TKTL1: variants seen among roughly 807,000 people sequenced by gnomAD.
TKTL1 encodes transketolase-like protein 1.
Under a neutral mutation model 39.3 loss-of-function variants are expected in TKTL1, and 1 was observed. The observed-to-expected ratio is 0.03, with a 90% CI of 0.01 to 0.12. The LOEUF is 0.12. TKTL1 is among the 10% of genes least tolerant of loss of function. The probability of loss-of-function intolerance (pLI) is 1.00; values close to 1 mark genes in which losing one functional copy is unlikely to be tolerated. For synonymous variants in TKTL1, 262 were observed against 193.8 expected, an observed-to-expected ratio of 1.35 and a Z score of -2.92; for missense variants, 575 against 509.6, an observed-to-expected ratio of 1.13 and a Z score of -1.24.
At chrX:154,327,512 C>G (rs1212932633) in intron 10 of TKTL1, 79 bp from the exon 11 acceptor site, 3 of 852,762 alleles carry the variant, frequency 3.5e-6, no homozygotes, top group Non-Finnish European at 5.3e-6. Context: ...GGGATAGCGG[C>G]ATAGCAAAGT....
intron 1 of TKTL1, among the ~76,000 whole-genome samples, chrX:154,299,274 G>C (rs1425689012): frequency 9.6e-6 from 1 of 103,991 alleles, no homozygotes; most frequent in Non-Finnish European, 2.0e-5. Flanking sequence ...TCCTGCCTCG[G>C]CCTCCCAAGT....
At position 154,327,691 on chromosome X, in the gene TKTL1, A is replaced by G; in HGVS notation, c.1498+4A>G. On this transcript the variant is annotated splice_donor_region_variant and intron_variant, in intron 11 of 12. Coordinates refer to ENST00000369915, the MANE Select transcript of TKTL1 (RefSeq NM_012253.4). ...GCTGATGAGCTTTCGAAACAAGGTC[A>G]GTTGGTTGAGTATGAGCATTGAAGT... 8.3e-7 allele frequency: 1 copy of G among 1,208,142 alleles called. No homozygotes were observed. Among genetic ancestry groups the G allele is most frequent in the African/African-American group, 1.7e-5 (1 of 57,702 alleles).
At chrX:154,302,820 C>A (rs1483357816) in intron 1 of TKTL1, among the ~76,000 whole-genome samples, 1 of 111,598 alleles carries the variant, frequency 9.0e-6, no homozygotes. Flanking sequence ...TGGAGACACA[C>A]AGACACCGTG....
intron 3 of TKTL1, among the ~76,000 whole-genome samples, chrX:154,310,222 C>T (rs2067345616): frequency 1.8e-5 from 2 of 110,184 alleles, no homozygotes; most frequent in South Asian, 3.9e-4. Context: ...TTTGGGAGGC[C>T]GAGGTGGGCG....
In TKTL1 at chrX:154,312,860, A is replaced by G; in HGVS notation, c.864+87A>G. ...TGTTCGTATGTACACAGGATTCTTC[A>G]TTTATTCTGGTCTCCATGGACGAAC... On this transcript the variant is annotated intron_variant, in intron 6 of 12. Coordinates refer to ENST00000369915, the MANE Select transcript of TKTL1 (RefSeq NM_012253.4). 7 of 926,489 alleles carry G rather than the reference A, an allele frequency of 7.6e-6. No homozygotes were observed. In the South Asian group the frequency reaches 1.6e-4, roughly 21 times the overall value. The allele number at this position is 926,489 out of a possible 1,213,427, so 76.4% of individuals were successfully genotyped here.
chrX:154,327,352 A>G (rs2067500691), intron 10 of TKTL1: 1 of 540,717 alleles, frequency 1.8e-6, no homozygotes, highest in African/African-American at 2.3e-5. Context: ...GTGAGCTCTC[A>G]AACCAGACTC....
At chrX:154,296,122 T>G (rs1557164415) in intron 1 of TKTL1, 129 bp downstream of exon 1, 5 of 903,733 alleles carry the variant, frequency 5.5e-6, no homozygotes, top group Non-Finnish European at 7.6e-6. Flanking sequence ...CGTAATGCCC[T>G]GTCTTGGGCT....
chrX:154,312,886 C>A, intron 6 of TKTL1, 113 bp downstream of exon 6: 2 of 698,856 alleles, frequency 2.9e-6, no homozygotes, highest in Non-Finnish European at 4.1e-6. Flanking sequence ...ATGGACGAAC[C>A]AATTACTAGA....
At position 154,323,180 on chromosome X, in the gene TKTL1, G is replaced by C. The variant is rs114084652; in HGVS notation, c.1187-27G>C. Reference sequence around the variant, plus strand: ...AGGTTCCTAATGGGGTTATGCTCCTGTTTTCATCGGGCTCTGGTTCTCTCA... The same window carrying C: ...AGGTTCCTAATGGGGTTATGCTCCTCTTTTCATCGGGCTCTGGTTCTCTCA... On this transcript the variant is annotated intron_variant, in intron 8 of 12. Transcript: ENST00000369915. 11,049 of 1,206,041 alleles carry C rather than the reference G, an allele frequency of 9.2e-3. 716 individuals carry two copies. In the African/African-American group the frequency reaches 0.18, roughly 19 times the overall value.
chrX:154,305,234 C>T, intron 1 of TKTL1, 70 bp from the exon 2 acceptor site: 1 of 1,187,911 alleles, frequency 8.4e-7, no homozygotes, highest in South Asian at 1.8e-5. Context: ...ATGAGGAGAC[C>T]ATGTGCCGAG....
At chrX:154,323,095 C>A in intron 8 of TKTL1, 112 bp from the exon 9 acceptor site, 1 of 987,754 alleles carries the variant, frequency 1.0e-6, no homozygotes, top group Non-Finnish European at 1.4e-6. Flanking sequence ...TGCTACAGCT[C>A]GGGACACCCC....
At chrX:154,309,931 C>T (rs782537522) in intron 3 of TKTL1, among the ~76,000 whole-genome samples, 4 of 109,057 alleles carry the variant, frequency 3.7e-5, no homozygotes, top group South Asian at 8.1e-4. Context: ...GATGGGGTTT[C>T]GCCATGTTGG....
rs1182937459 is a variant in TKTL1 at position 154,295,810 on chromosome X, G to C, written c.-50G>C. Reference sequence around the variant, plus strand: ...GCTCGCAGGCGCCATTCGCTCTTCAGACGCCGGAGACGTAGGAGTGGGTCT... The same window carrying C: ...GCTCGCAGGCGCCATTCGCTCTTCACACGCCGGAGACGTAGGAGTGGGTCT... On this transcript the variant is annotated 5_prime_UTR_variant, in exon 1 of 13. Transcript: ENST00000369915. 2.5e-6 allele frequency: 3 copies of C among 1,186,985 alleles called. No individual in the cohort carries two copies. Among genetic ancestry groups the C allele is most frequent in the South Asian group, 1.9e-5 (1 of 53,888 alleles).
chrX:154,328,826 T>C (rs1367028012), intron 12 of TKTL1, among the ~76,000 whole-genome samples: 1 of 110,514 alleles, frequency 9.0e-6, no homozygotes, highest in East Asian at 2.8e-4. Context: ...ACACCTGAGG[T>C]TGATGACAGG....
At chrX:154,321,808 G>A (rs1056320871) in intron 8 of TKTL1, among the ~76,000 whole-genome samples, 1 of 108,008 alleles carries the variant, frequency 9.3e-6, no homozygotes, top group Non-Finnish European at 1.9e-5. Flanking sequence ...TGGACGAGAT[G>A]GCTCTAGATG....
intron 8 of TKTL1, among the ~76,000 whole-genome samples, chrX:154,322,229 CAA>C (rs34229834): frequency 0.054 from 2,267 of 41,757 alleles, 111 homozygotes; most frequent in African/African-American, 0.17. Flanking sequence ...GAGGCTTTGT[CAA>C]AAAAAAAAAA....
In TKTL1 at chrX:154,329,509, T is replaced by TC. The variant is rs1203290952; in HGVS notation, c.1619-3dup. On this transcript the variant is annotated splice_polypyrimidine_tract_variant and splice_region_variant and intron_variant, in intron 12 of 12. Coordinates refer to ENST00000369915, the MANE Select transcript of TKTL1 (RefSeq NM_012253.4). ...CACAAAAGGGCCTAACATCCTTGTT[T>TC]CCCCAGGTGGCATCGGGGAAGCTGT... is the stretch of plus-strand genomic sequence containing the variant. 5.1e-5 allele frequency: 62 copies of TC among 1,208,607 alleles called. No individual in the cohort carries two copies. The highest frequency in any genetic ancestry group is 6.5e-5 in the Non-Finnish European group (58 of 894,027).
intron 1 of TKTL1, among the ~76,000 whole-genome samples, chrX:154,304,397 A>G (rs782454976): frequency 8.1e-5 from 9 of 110,498 alleles, no homozygotes; most frequent in Non-Finnish European, 1.5e-4. Context: ...ACCTTCGACA[A>G]TTGCACGTGC....
chrX:154,329,638 A>G lies in TKTL1; in HGVS notation c.1741A>G (p.Ile581Val). Residue 581 changes from isoleucine (I) to valine (V), a missense_variant, in exon 13 of 13, where the codon ATT becomes GTT. By Grantham distance (29) the Ile-to-Val change is conservative. Transcript: ENST00000369915. ...KSEELLDMYGISARHIIVAVK... is the reference protein window; with the variant it reads ...KSEELLDMYGVSARHIIVAVK... Reference sequence around the variant, plus strand: ...CGAGGAATTGCTGGATATGTATGGAATTAGTGCCAGACATATCATAGTGGC... The same window carrying G: ...CGAGGAATTGCTGGATATGTATGGAGTTAGTGCCAGACATATCATAGTGGC... 8.3e-7 allele frequency: 1 copy of G among 1,212,014 alleles called. No homozygotes were observed. The highest frequency in any genetic ancestry group is 1.1e-6 in the Non-Finnish European group (1 of 895,564).
Sources: allele counts gnomAD v4.1 joint callset (sites outside exome capture counted in the v4.1 genomes callset), GRCh38; gene constraint gnomAD v4.1.1; transcripts MANE v1.5; gene names NCBI Gene and HGNC (gene_info 2026-07-23, HGNC 2026-07-21).